NUP210L: variants seen among roughly 807,000 people sequenced by gnomAD.
NUP210L encodes nuclear pore membrane glycoprotein 210-like.
NUP210L carries 74 observed loss-of-function variants against 208.5 expected under a neutral mutation model. That is an observed-to-expected ratio of 0.35 (90% CI 0.29 to 0.43). The LOEUF is 0.43. Ranked by LOEUF, NUP210L falls within the 20% of genes least tolerant of loss-of-function variation. NUP210L has a pLI of 1.00. For synonymous variants in NUP210L, 780 were observed against 816.9 expected (o/e 0.95, Z 0.77); for missense variants, 1,843 against 2,289.4 (o/e 0.81, Z 3.98).
At chr1:154,057,489 G>A (rs1014611563) in intron 22 of NUP210L, among the ~76,000 whole-genome samples, 12 of 152,014 alleles carry the variant, frequency 7.9e-5, no homozygotes, top group African/African-American at 2.9e-4. Flanking sequence ...TGGTAAAATT[G>A]CAAATACTAA....
At chr1:154,082,513 G>A (rs917793519) in intron 16 of NUP210L, among the ~76,000 whole-genome samples, 1 of 151,990 alleles carries the variant, frequency 6.6e-6, no homozygotes, top group African/African-American at 2.4e-5. Flanking sequence ...CCCAGAGGAT[G>A]GCATGCTCAG....
At chr1:154,092,747 C>T (rs990372921) in intron 15 of NUP210L, among the ~76,000 whole-genome samples, 4 of 151,326 alleles carry the variant, frequency 2.6e-5, no homozygotes, top group Admixed American at 2.0e-4. Flanking sequence ...TTTTTTGAGA[C>T]GGGATCTTGC....
At chr1:154,110,799 G>A (rs1657000350) in intron 12 of NUP210L, among the ~76,000 whole-genome samples, 1 of 151,012 alleles carries the variant, frequency 6.6e-6, no homozygotes, top group African/African-American at 2.5e-5. Context: ...GATAACTTGG[G>A]CCTGGGAGGT....
chr1:154,059,469 G>A (rs1053485930), intron 20 of NUP210L, among the ~76,000 whole-genome samples: 2 of 152,118 alleles, frequency 1.3e-5, no homozygotes, highest in African/African-American at 4.8e-5. Context: ...ACTCCAGCCT[G>A]AGCAACAGAG....
chr1:154,024,381 G>A (rs1651733258), intron 30 of NUP210L, among the ~76,000 whole-genome samples: 1 of 152,034 alleles, frequency 6.6e-6, no homozygotes, highest in Non-Finnish European at 1.5e-5. Context: ...TACCTCATAG[G>A]GCTTTTGTGG....
chr1:154,135,289 C>T (rs550937628), intron 7 of NUP210L, among the ~76,000 whole-genome samples: 1 of 152,262 alleles, frequency 6.6e-6, no homozygotes, highest in South Asian at 2.1e-4. Context: ...TGCAAATAAG[C>T]ATTGAAGTTA....
intron 23 of NUP210L, among the ~76,000 whole-genome samples, chr1:154,055,123 T>TTTTCTTTCTTTCTTTCTTTCTTTC (rs533438783): frequency 1.7e-5 from 2 of 117,140 alleles, no homozygotes; most frequent in Non-Finnish European, 3.5e-5. Flanking sequence ...TCTTTCTTTC[T>TTTTCTTTCTTTCTTTCTTTCTTTC]TTTCTTTCTT....
At chr1:154,007,107 C>T (rs183487302) in intron 35 of NUP210L, among the ~76,000 whole-genome samples, 115 of 149,144 alleles carry the variant, frequency 7.7e-4, no homozygotes, top group South Asian at 3.8e-3. Flanking sequence ...GGATTACAGG[C>T]GCCCGCCACC....
intron 33 of NUP210L, among the ~76,000 whole-genome samples, chr1:154,015,125 A>G (rs570199730): frequency 1.3e-5 from 2 of 152,254 alleles, no homozygotes; most frequent in East Asian, 1.9e-4. Flanking sequence ...AATGTGTGCC[A>G]TGGTGGTTTG....
At chr1:154,037,838 G>A (rs1163627708) in intron 27 of NUP210L, among the ~76,000 whole-genome samples, 1 of 151,826 alleles carries the variant, frequency 6.6e-6, no homozygotes, top group Admixed American at 6.6e-5. Context: ...GGCTTGTCTC[G>A]AACTCCTGGC....
intron 13 of NUP210L, among the ~76,000 whole-genome samples, chr1:154,103,673 A>G (rs1656594986): frequency 7.0e-6 from 1 of 143,418 alleles, no homozygotes; most frequent in African/African-American, 2.5e-5. Flanking sequence ...CTCCGTCTCA[A>G]AAAAAAAAAA....
At chr1:154,060,418 A>AT (rs1654073989) in intron 20 of NUP210L, 122 bp downstream of exon 20, 2 of 656,540 alleles carry the variant, frequency 3.0e-6, no homozygotes, top group Non-Finnish European at 5.3e-6. Flanking sequence ...TATATAGGTT[A>AT]AAGAAAGAAA....
At position 154,083,076 on chromosome 1, in the gene NUP210L, T is replaced by C. The variant is rs567226139; in HGVS notation, c.2361+6345A>G. ...AAGAGTAAGAAGCAGCAAGATTTAC[T>C]GTGAAGACCAAATGAACAAATATTC... On this transcript the variant is annotated intron_variant, in intron 16 of 39. Transcript: ENST00000368559. Among the ~76,000 whole-genome samples the C allele has an allele frequency of 1.1e-4, 17 of 152,304 alleles. No homozygotes were observed. In the South Asian group the frequency reaches 2.7e-3, roughly 24 times the overall value.
At chr1:154,018,691 C>T (rs1651397872) in intron 33 of NUP210L, among the ~76,000 whole-genome samples, 1 of 152,130 alleles carries the variant, frequency 6.6e-6, no homozygotes, top group Non-Finnish European at 1.5e-5. Flanking sequence ...CAACTTCTAC[C>T]CTGGTGTCTA....
intron 2 of NUP210L, among the ~76,000 whole-genome samples, chr1:154,149,087 C>CT (rs770217261): frequency 1.1e-3 from 134 of 119,184 alleles, no homozygotes; most frequent in Middle Eastern, 5.1e-3. Flanking sequence ...GAAAACTTCT[C>CT]TTTTTTTTTT....
chr1:154,077,055 A>T (rs1409902467), intron 16 of NUP210L, among the ~76,000 whole-genome samples: 1 of 152,112 alleles, frequency 6.6e-6, no homozygotes, highest in African/African-American at 2.4e-5. Flanking sequence ...TGAGGACCAG[A>T]AGGCAGTGAG....
intron 16 of NUP210L, among the ~76,000 whole-genome samples, chr1:154,074,882 C>T (rs987618218): frequency 6.6e-6 from 1 of 152,160 alleles, no homozygotes; most frequent in African/African-American, 2.4e-5. Context: ...GCATGTATGA[C>T]ACAATGGTGA....
intron 22 of NUP210L, among the ~76,000 whole-genome samples, chr1:154,057,338 C>A (rs1421929969): frequency 6.6e-6 from 1 of 152,038 alleles, no homozygotes; most frequent in African/African-American, 2.4e-5. Context: ...ATTTTCTGCT[C>A]ATTTTAACTC....
At chr1:154,149,125 G>A (rs948817415) in intron 2 of NUP210L, among the ~76,000 whole-genome samples, 2 of 133,510 alleles carry the variant, frequency 1.5e-5, no homozygotes, top group African/African-American at 2.8e-5. Context: ...TGCTCTTGTC[G>A]CCCAGGCTGG....
Sources: gnomAD v4.1 joint callset for allele counts (sites outside exome capture counted in the v4.1 genomes callset) on GRCh38, gnomAD v4.1.1 for gene constraint, MANE v1.5 for transcripts, NCBI Gene and HGNC (gene_info 2026-07-23, HGNC 2026-07-21) for gene names.